BCAR3: variants seen among roughly 807,000 people sequenced by gnomAD.
The protein encoded by BCAR3 is BCAR3 adaptor protein, NSP family member.
In BCAR3, 37 loss-of-function variants were observed where a neutral mutation model predicts 80.1. The ratio of observed to expected loss-of-function variants is 0.46; its 90% CI spans 0.36 to 0.61. The LOEUF (loss-of-function observed/expected upper bound fraction) is 0.61. Ranked by LOEUF, BCAR3 falls within the 20% of genes least tolerant of loss-of-function variation. BCAR3 has a pLI of 0.00. For missense variants in BCAR3, 978 were observed against 1,068.2 expected, an observed-to-expected ratio of 0.92 and a Z score of 1.18; for synonymous variants, 389 against 418.9, an observed-to-expected ratio of 0.93 and a Z score of 0.87.
intron 10 of BCAR3, 62 bp from the exon 11 acceptor site, chr1:93,567,553 G>A (rs998780302): frequency 1.7e-5 from 26 of 1,566,228 alleles, no homozygotes; most frequent in Non-Finnish European, 2.2e-5. Context: ...CACAGAATGA[G>A]GTGACTCATA....
rs1557843298 is a variant in BCAR3, at chr1:93,582,345, C to T, written c.1642G>A (p.Asp548Asn). 5 of 1,614,158 alleles carry T rather than the reference C, an allele frequency of 3.1e-6. No homozygotes were observed. The highest frequency in any genetic ancestry group is 1.6e-4 in the Middle Eastern group (1 of 6,062). Residue 548 changes from aspartate to asparagine, a missense_variant, in exon 7 of 12, where the codon GAC (aspartate) becomes AAC (asparagine). Physicochemically the swap from Asp to Asn is conservative, Grantham distance 23. Transcript: ENST00000260502. The stretch of plus-strand genomic sequence containing the variant: ...ACGTGCTGGGCGATGACCTTGGGGT[C>T]GTTGTTGGTGAACAGTTCTTTTGCA... ...KRAKELFTNN[D>N]PKVIAQHVLS...
intron 3 of BCAR3, among the ~76,000 whole-genome samples, chr1:93,635,597 G>T (rs1214920946): frequency 6.6e-6 from 1 of 152,208 alleles, no homozygotes; most frequent in Non-Finnish European, 1.5e-5. Flanking sequence ...GAAGTTGGAT[G>T]GGAGCTCCCT....
At chr1:93,846,283 G>A (rs1557708960) in intron 1 of BCAR3, among the ~76,000 whole-genome samples, 2 of 152,224 alleles carry the variant, frequency 1.3e-5, no homozygotes, top group Non-Finnish European at 2.9e-5. Flanking sequence ...GAAGCACAGG[G>A]TGGGCCGCGG....
At chr1:93,684,017 G>A (rs1288537482), upstream of BCAR3, among the ~76,000 whole-genome samples, 1 of 152,128 alleles carries the variant, frequency 6.6e-6, no homozygotes, top group Admixed American at 6.5e-5. Flanking sequence ...GATTCTAAGT[G>A]CAGCATCCTT....
chr1:93,590,121 A>G (rs1674110982), intron 4 of BCAR3: 1 of 152,242 alleles, frequency 6.6e-6, no homozygotes, highest in Non-Finnish European at 1.5e-5. Flanking sequence ...GGCCTAGAAC[A>G]AAGTCAGGCT....
At chr1:93,646,326 G>T (rs1449877745) in intron 2 of BCAR3, among the ~76,000 whole-genome samples, 1 of 152,146 alleles carries the variant, frequency 6.6e-6, no homozygotes, top group Non-Finnish European at 1.5e-5. Flanking sequence ...TGGTAGGCTG[G>T]TCACGGTGAC....
At chr1:93,827,057 G>C (rs1415900612) in intron 2 of BCAR3, among the ~76,000 whole-genome samples, 2 of 152,162 alleles carry the variant, frequency 1.3e-5, no homozygotes, top group African/African-American at 4.8e-5. Flanking sequence ...ATTTGTTTTG[G>C]TATTATGGAG....
At chr1:93,821,667 C>A (rs899483025) in intron 2 of BCAR3, among the ~76,000 whole-genome samples, 1 of 152,138 alleles carries the variant, frequency 6.6e-6, no homozygotes, top group African/African-American at 2.4e-5. Context: ...ATAATAACCA[C>A]CACCAAATAA....
chr1:93,742,312 G>A (rs1651205960), intron 2 of BCAR3, among the ~76,000 whole-genome samples: 1 of 152,242 alleles, frequency 6.6e-6, no homozygotes, highest in Non-Finnish European at 1.5e-5. Context: ...AGCAAGCAGA[G>A]TTGCTCCATG....
intron 3 of BCAR3, among the ~76,000 whole-genome samples, chr1:93,694,248 C>A (rs768169024): frequency 3.3e-5 from 5 of 152,214 alleles, no homozygotes; most frequent in Non-Finnish European, 5.9e-5. Context: ...TGTTGGCTGG[C>A]AACTCCACTT....
intron 3 of BCAR3, among the ~76,000 whole-genome samples, chr1:93,703,566 T>TAAAAAAA (rs1439567076): frequency 1.5e-4 from 7 of 45,632 alleles, no homozygotes; most frequent in African/African-American, 2.4e-4. Context: ...CCCTGTCTCT[T>TAAAAAAA]AAAAAGAAAA....
In BCAR3 at chr1:93,576,080, A is replaced by AC; in HGVS notation, c.1735dup (p.Val579GlyfsTer22). 1 of 1,613,960 alleles carries AC rather than the reference A, an allele frequency of 6.2e-7. No homozygotes were observed. The highest frequency in any genetic ancestry group is 8.5e-7 in the Non-Finnish European group (1 of 1,179,998). ...GGTAATGAGTTCCAGGCCTGAGCTCACCCCCATGTTCCTCCTCATCTCTTC... is the reference window on the plus strand; with the variant it reads ...GGTAATGAGTTCCAGGCCTGAGCTCACCCCCCATGTTCCTCCTCATCTCTTC... On this transcript the variant is annotated frameshift_variant, in exon 8 of 12. Coordinates refer to ENST00000260502, the MANE Select transcript of BCAR3 (RefSeq NM_003567.4). LOFTEE classifies it high-confidence loss of function.
intron 2 of BCAR3, among the ~76,000 whole-genome samples, chr1:93,828,282 G>A (rs949942751): frequency 1.3e-5 from 2 of 152,096 alleles, no homozygotes; most frequent in Non-Finnish European, 2.9e-5. Flanking sequence ...TCCAGCCTGG[G>A]CGACAGAGCA....
intron 2 of BCAR3, among the ~76,000 whole-genome samples, chr1:93,800,596 T>C (rs79556532): frequency 0.097 from 14,777 of 151,886 alleles, 898 homozygotes; most frequent in East Asian, 0.18. Context: ...AATAAATAAA[T>C]AAATAAGAAG....
chr1:93,697,432 T>C (rs1649455829), intron 3 of BCAR3, among the ~76,000 whole-genome samples: 2 of 152,104 alleles, frequency 1.3e-5, no homozygotes, highest in Admixed American at 6.5e-5. Context: ...CATGCCCTGC[T>C]GGGAGGAAAG....
At chr1:93,681,359 C>T (rs1204502386) in intron 1 of BCAR3, 1 of 152,168 alleles carries the variant, frequency 6.6e-6, no homozygotes, top group African/African-American at 2.4e-5. Context: ...CTCGGGGAGT[C>T]CCAGCGCGCT....
At position 93,691,588 on chromosome 1, in the gene BCAR3, G is replaced by C. The variant is rs192782377; in HGVS notation, c.-12+14504C>G. Among the ~76,000 whole-genome samples, 307 of 152,270 alleles carry C rather than the reference G, an allele frequency of 2.0e-3. 4 individuals carry two copies. Among genetic ancestry groups the C allele is most frequent in the South Asian group, 0.016 (76 of 4,824 alleles). ...TGGGAGGGGCCAGATTAGAGCCTTG[G>C]TCCTTGCTCCCAGCTCAGCAGCCTC... On this transcript the variant is annotated intron_variant, in intron 3 of 13. Coordinates refer to the BCAR3 transcript ENST00000370244.
chr1:93,837,227 A>G (rs1368727743), intron 2 of BCAR3, among the ~76,000 whole-genome samples: 1 of 152,204 alleles, frequency 6.6e-6, no homozygotes, highest in Admixed American at 6.5e-5. Context: ...AAAAAAGTAA[A>G]AAATAAAAAT....
At chr1:93,564,278 A>G (rs1570895884) in intron 11 of BCAR3, among the ~76,000 whole-genome samples, 1 of 138,646 alleles carries the variant, frequency 7.2e-6, no homozygotes, top group African/African-American at 2.7e-5. Flanking sequence ...TGTCCTAAGA[A>G]TTTCTTTCTT....
Sources: gnomAD v4.1 joint callset for allele counts (sites outside exome capture counted in the v4.1 genomes callset) on GRCh38, gnomAD v4.1.1 for gene constraint, MANE v1.5 for transcripts, NCBI Gene and HGNC (gene_info 2026-07-23, HGNC 2026-07-21) for gene names.